IGFBP6: variants seen among roughly 807,000 people sequenced by gnomAD.
IGFBP6 encodes the protein insulin-like growth factor-binding protein 6.
In IGFBP6, 24 loss-of-function variants were observed where a neutral mutation model predicts 24.5. The ratio of observed to expected loss-of-function variants is 0.98; its 90% CI spans 0.71 to 1.38. The LOEUF (loss-of-function observed/expected upper bound fraction) is 1.38, where lower values mean the gene tolerates loss of function less well. Among genes scored for constraint, IGFBP6 ranks in the 40% most tolerant of loss-of-function variants. The probability of loss-of-function intolerance (pLI) is 0.00; values close to 1 mark genes in which losing one functional copy is unlikely to be tolerated. For missense variants in IGFBP6, 331 were observed against 324.8 expected, an observed-to-expected ratio of 1.02 and a Z score of -0.15; for synonymous variants, 147 against 137.4, an observed-to-expected ratio of 1.07 and a Z score of -0.49.
chr12:53,102,180 G>C lies in IGFBP6; in HGVS notation c.*13G>C. 6.2e-7 allele frequency: 1 copy of C among 1,613,520 alleles called. No individual in the cohort carries two copies. Among genetic ancestry groups the C allele is most frequent in the Non-Finnish European group, 8.5e-7 (1 of 1,179,804 alleles). ...GAGTAGCGGCTAAAGCTGGGGGATA[G>C]AGGGGCTGCAGGGCCACTGGAAGGA... On this transcript the variant is annotated 3_prime_UTR_variant, in exon 4 of 4. Transcript: ENST00000301464.
chr12:53,101,039 A>G lies in IGFBP6; in HGVS notation c.481-2A>G. The G allele has an allele frequency of 6.2e-7, 1 of 1,613,830 alleles. No homozygotes were observed. Among genetic ancestry groups the G allele is most frequent in the Non-Finnish European group, 8.5e-7 (1 of 1,179,808 alleles). ...CTAAGCTGCCTACTCTCCCTTCCCC[A>G]GGGCCCATGCCGTAGACATCTGGAC... On this transcript the variant is annotated splice_acceptor_variant, in intron 2 of 3. Coordinates refer to ENST00000301464, the MANE Select transcript of IGFBP6 (RefSeq NM_002178.3). LOFTEE classifies it high-confidence loss of function.
At chr12:53,099,534 G>A (rs1298325502) in intron 1 of IGFBP6, among the ~76,000 whole-genome samples, 1 of 152,084 alleles carries the variant, frequency 6.6e-6, no homozygotes, top group African/African-American at 2.4e-5. Flanking sequence ...GTCACAGCAG[G>A]GACACACATT....
chr12:53,099,216 T>C, intron 1 of IGFBP6: 1 of 434,786 alleles, frequency 2.3e-6, no homozygotes, highest in Non-Finnish European at 4.7e-6. Context: ...CAGTACATGC[T>C]CCCCTTTCTG....
chr12:53,098,061 C>T lies in IGFBP6; in HGVS notation c.334+10C>T. 2 of 1,424,332 alleles carry T rather than the reference C, an allele frequency of 1.4e-6. No individual in the cohort carries two copies. The highest frequency in any genetic ancestry group is 9.1e-7 in the Non-Finnish European group (1 of 1,099,938). The allele number at this position is 1,424,332 out of a possible 1,614,324, so 88.2% of individuals were successfully genotyped here. A position where few individuals can be genotyped will look rare whatever the true frequency, so the allele number is the denominator to read the frequency against. The stretch of plus-strand genomic sequence containing the variant: ...GCCCGCGCGCCTGCTGGTGAGTCCG[C>T]GCCCCGCCCCTGCCCCGCCCACGTG... On this transcript the variant is annotated intron_variant, in intron 1 of 3. Transcript: ENST00000301464.
At position 53,101,194 on chromosome 12, in the gene IGFBP6, A is replaced by G. The variant is rs772451853; in HGVS notation, c.600+34A>G. 19 of 1,606,880 alleles carry G rather than the reference A, an allele frequency of 1.2e-5. No homozygotes were observed. The Admixed American group carries it at 2.8e-4, about 24-fold the overall frequency. ...ATTTTTCTTCTCCTCCTGCTCCAGC[A>G]GAAGGCTCCTGCCAGGGAGTGGGGG... On this transcript the variant is annotated intron_variant, in intron 3 of 3. Coordinates refer to ENST00000301464, the MANE Select transcript of IGFBP6 (RefSeq NM_002178.3).
intron 2 of IGFBP6, 70 bp from the exon 3 acceptor site, chr12:53,100,971 G>A: frequency 6.2e-7 from 1 of 1,604,652 alleles, no homozygotes; most frequent in Non-Finnish European, 8.5e-7. Context: ...GTGCTTGCCT[G>A]GTGGGCCAGA....
At chr12:53,100,647 G>A in intron 1 of IGFBP6, 65 bp from the exon 2 acceptor site, 1 of 1,551,290 alleles carries the variant, frequency 6.4e-7, no homozygotes, top group South Asian at 1.1e-5. Flanking sequence ...GGTGATGTGG[G>A]CAAGGCCCTT....
Position 53,097,889 on chromosome 12 carries a change from G to A in IGFBP6, c.172G>A (p.Ala58Thr). The A allele has an allele frequency of 6.6e-7, 1 of 1,518,246 alleles. No homozygotes were observed. Among genetic ancestry groups the A allele is most frequent in the Non-Finnish European group, 8.8e-7 (1 of 1,136,096 alleles). 94.0% of individuals were successfully genotyped at this position (1,518,246 alleles called of 1,614,324 possible). Residue 58 changes from alanine (A) to threonine (T), a missense_variant, in exon 1 of 4, where the codon GCG becomes ACG. Coordinates refer to ENST00000301464, the MANE Select transcript of IGFBP6 (RefSeq NM_002178.3). ...EDGGSPAEGC[A>T]EAEGCLRREG... is the part of the protein sequence containing the mutation. ...TGGGGGGTCGCCAGCCGAGGGCTGCGCGGAAGCTGAGGGCTGTCTCAGGAG... is the reference window on the plus strand; with the variant it reads ...TGGGGGGTCGCCAGCCGAGGGCTGCACGGAAGCTGAGGGCTGTCTCAGGAG...
chr12:53,099,368 G>A (rs1234304232), intron 1 of IGFBP6: 1 of 454,586 alleles, frequency 2.2e-6, no homozygotes, highest in Non-Finnish European at 4.4e-6. Context: ...TCTGCCCTCA[G>A]CCTATCTTGG....
rs540945577 is a variant in IGFBP6 at position 53,100,816 on chromosome 12, C to T, written c.439C>T (p.Pro147Ser). ...GAGGAATCCAGGCACCTCTACCACG[C>T]CCTCCCAGCCCAATTCTGCGGGTGT... ...QQRNPGTSTT[P>S]SQPNSAGVQD... Residue 147 changes from proline to serine, a missense_variant, in exon 2 of 4, where the codon CCC becomes TCC. Transcript: ENST00000301464. The T allele has an allele frequency of 3.7e-6, 6 of 1,614,222 alleles. No homozygotes were observed. In the South Asian group the frequency reaches 6.6e-5, roughly 18 times the overall value.
intron 3 of IGFBP6, among the ~76,000 whole-genome samples, 175 bp from the exon 4 acceptor site, chr12:53,101,870 G>T (rs916627147): frequency 8.0e-5 from 10 of 125,370 alleles, no homozygotes; most frequent in Non-Finnish European, 9.3e-5. Context: ...ATGCATTCCA[G>T]CCAGGGCGAC....
chr12:53,102,299 G>A lies in IGFBP6; in HGVS notation c.*132G>A, dbSNP rs6413499. On this transcript the variant is annotated 3_prime_UTR_variant, in exon 4 of 4. Coordinates refer to ENST00000301464, the MANE Select transcript of IGFBP6 (RefSeq NM_002178.3). ...CCCCTCACCGCTGGTTGGAAAGAGT[G>A]TTGGTGTTGGCTGGGGTGTCAATAA... 256 of 1,015,474 alleles carry A rather than the reference G, an allele frequency of 2.5e-4. 1 individual carries two copies. The African/African-American group carries it at 3.7e-3, about 15-fold the overall frequency. 62.9% of individuals were successfully genotyped at this position (1,015,474 alleles called of 1,614,324 possible). A position where few individuals can be genotyped will look rare whatever the true frequency, so the allele number is the denominator to read the frequency against.
chr12:53,099,945 G>A (rs893418105), intron 1 of IGFBP6, among the ~76,000 whole-genome samples: 11 of 151,122 alleles, frequency 7.3e-5, no homozygotes, highest in Admixed American at 2.6e-4. Flanking sequence ...TGCAACCTCC[G>A]CCCCCCCGAG....
chr12:53,098,116 G>A (rs987184772), intron 1 of IGFBP6, 65 bp downstream of exon 1: 14 of 1,372,190 alleles, frequency 1.0e-5, no homozygotes, highest in Non-Finnish European at 1.2e-5. Context: ...AGGGTCCTGG[G>A]GAGACGGGAG....
At chr12:53,099,503 G>A (rs1276552337) in intron 1 of IGFBP6, among the ~76,000 whole-genome samples, 1 of 152,170 alleles carries the variant, frequency 6.6e-6, no homozygotes, top group Admixed American at 6.5e-5. Context: ...GCCTGGGAGG[G>A]GTGGGTTGAG....
rs759385626 is a variant in IGFBP6, at chr12:53,097,866, G to C, written c.149G>C (p.Gly50Ala). 1 of 1,519,604 alleles carries C rather than the reference G, an allele frequency of 6.6e-7. No individual in the cohort carries two copies. The highest frequency in any genetic ancestry group is 8.8e-7 in the Non-Finnish European group (1 of 1,136,898). The allele number at this position is 1,519,604 out of a possible 1,614,324, so 94.1% of individuals were successfully genotyped here. ...GGGGGCTGCGTGGAGGAGGAGGATG[G>C]GGGGTCGCCAGCCGAGGGCTGCGCG... Reference protein sequence around the residue: ...CPGGCVEEEDGGSPAEGCAEA... With the variant: ...CPGGCVEEEDAGSPAEGCAEA... The change falls in exon 1 of 4, where the codon GGG becomes GCG. Residue 50 changes from glycine (G) to alanine (A), a missense_variant. Gly to Ala is a moderately conservative substitution (Grantham distance 60). Transcript: ENST00000301464.
At position 53,097,870 on chromosome 12, in the gene IGFBP6, G is replaced by A. The variant is rs765013483; in HGVS notation, c.153G>A (p.Gly51=). The change falls in exon 1 of 4, where the codon GGG becomes GGA. Residue 51 remains glycine, a synonymous_variant. Transcript: ENST00000301464. ...PGGCVEEEDG[G]SPAEGCAEAE... is the part of the protein sequence containing the mutation. ...GCTGCGTGGAGGAGGAGGATGGGGG[G>A]TCGCCAGCCGAGGGCTGCGCGGAAG... 6.9e-5 allele frequency: 105 copies of A among 1,518,020 alleles called. No homozygotes were observed. The highest frequency in any genetic ancestry group is 9.2e-5 in the Non-Finnish European group (104 of 1,136,182). The allele number at this position is 1,518,020 out of a possible 1,614,324, so 94.0% of individuals were successfully genotyped here. A position where few individuals can be genotyped will look rare whatever the true frequency, so the allele number is the denominator to read the frequency against.
At position 53,100,956 on chromosome 12, in the gene IGFBP6, C is replaced by T. The variant is rs1937816901; in HGVS notation, c.481-85C>T. On this transcript the variant is annotated intron_variant, in intron 2 of 3. Coordinates refer to ENST00000301464, the MANE Select transcript of IGFBP6 (RefSeq NM_002178.3). ...GCTTGGAGACGTCTCCATTGTCTGT[C>T]CTGGGTGCTTGCCTGGTGGGCCAGA... 3 of 1,604,714 alleles carry T rather than the reference C, an allele frequency of 1.9e-6. No homozygotes were observed. The East Asian group carries it at 6.7e-5, about 36-fold the overall frequency.
At chr12:53,101,898 C>CAA (rs57771658) in intron 3 of IGFBP6, 147 bp from the exon 4 acceptor site, 7,430 of 198,400 alleles carry the variant, frequency 0.037, 105 homozygotes, top group South Asian at 0.071. Context: ...GACTCCATCT[C>CAA]AAAAAAAAAA....
Sources: gnomAD v4.1 joint callset for allele counts (sites outside exome capture counted in the v4.1 genomes callset) on GRCh38, gnomAD v4.1.1 for gene constraint, MANE v1.5 for transcripts, NCBI Gene and HGNC (gene_info 2026-07-23, HGNC 2026-07-21) for gene names.